CPNE8: variants seen among roughly 807,000 people sequenced by gnomAD.
The protein encoded by CPNE8 is copine 8.
Under a neutral mutation model 81.5 loss-of-function variants are expected in CPNE8, and 45 were observed. The ratio of observed to expected loss-of-function variants is 0.55; its 90% CI spans 0.44 to 0.71. The LOEUF is 0.71. CPNE8 is among the 30% of genes least tolerant of loss of function. CPNE8 has a pLI of 0.00. For missense variants in CPNE8, 594 were observed against 672.1 expected, an observed-to-expected ratio of 0.88 and a Z score of 1.28; for synonymous variants, 252 against 226.3, an observed-to-expected ratio of 1.11 and a Z score of -1.02.
chr12:38,672,508 A>T (rs1034957749), intron 18 of CPNE8, among the ~76,000 whole-genome samples: 17 of 152,106 alleles, frequency 1.1e-4, no homozygotes, highest in Non-Finnish European at 2.4e-4. Flanking sequence ...CCAGTCTCCC[A>T]CCATTACCTC....
chr12:38,834,799 G>A (rs76119967), intron 5 of CPNE8, among the ~76,000 whole-genome samples: 5,846 of 151,694 alleles, frequency 0.039, 306 homozygotes, highest in East Asian at 0.18. Flanking sequence ...GTATGTTTCC[G>A]AACTATTTCA....
intron 1 of CPNE8, among the ~76,000 whole-genome samples, chr12:38,882,691 C>T (rs914658479): frequency 6.6e-6 from 1 of 152,142 alleles, no homozygotes; most frequent in Non-Finnish European, 1.5e-5. Flanking sequence ...GCAAAAAACC[C>T]ATTACCTCCA....
At chr12:38,865,377 G>A (rs1374024754) in intron 3 of CPNE8, among the ~76,000 whole-genome samples, 1 of 152,128 alleles carries the variant, frequency 6.6e-6, no homozygotes, top group Admixed American at 6.5e-5. Context: ...CTGGGAACAA[G>A]CCAAAAATCT....
At chr12:38,666,854 A>T (rs529308918) in intron 19 of CPNE8, among the ~76,000 whole-genome samples, 5 of 152,176 alleles carry the variant, frequency 3.3e-5, no homozygotes, top group Non-Finnish European at 7.3e-5. Flanking sequence ...GTGACTGTGG[A>T]CAAGAGGAAT....
chr12:38,703,998 G>A, intron 13 of CPNE8, among the ~76,000 whole-genome samples: 1 of 152,050 alleles, frequency 6.6e-6, no homozygotes, highest in East Asian at 1.9e-4. Flanking sequence ...ATTAATGCAG[G>A]GACAGAAAGC....
At chr12:38,678,155 T>A (rs1450696479) in intron 16 of CPNE8, among the ~76,000 whole-genome samples, 4 of 152,016 alleles carry the variant, frequency 2.6e-5, no homozygotes, top group African/African-American at 9.7e-5. Context: ...TTATGAAAAT[T>A]TCACCTCAAT....
At chr12:38,757,921 G>A (rs1364753401) in intron 10 of CPNE8, among the ~76,000 whole-genome samples, 1 of 151,816 alleles carries the variant, frequency 6.6e-6, no homozygotes, top group African/African-American at 2.4e-5. Context: ...TGAACATGCT[G>A]TTAATGATGG....
At chr12:38,688,874 T>C (rs1296778839) in intron 15 of CPNE8, among the ~76,000 whole-genome samples, 2 of 152,074 alleles carry the variant, frequency 1.3e-5, no homozygotes, top group Admixed American at 1.3e-4. Context: ...GCTCAGGTGA[T>C]GGGTGCATCA....
intron 17 of CPNE8, among the ~76,000 whole-genome samples, chr12:38,676,712 G>A (rs1411472001): frequency 1.3e-5 from 2 of 152,160 alleles, no homozygotes; most frequent in African/African-American, 4.8e-5. Context: ...TAGTAAGAAT[G>A]TGAGATTGAT....
rs79284833 is a variant in CPNE8, at chr12:38,816,940, G to T, written c.407+12439C>A. ...CTTACTGGCATTTGTTCTCAGGGCA[G>T]CCTGATGCACTGAGTCTACCTGGAC... On this transcript the variant is annotated intron_variant, in intron 6 of 19. Transcript: ENST00000331366. 4.9e-4 allele frequency among the ~76,000 whole-genome samples: 75 copies of T among 152,290 alleles called. 1 individual carries two copies. In the East Asian group the frequency reaches 0.013, roughly 27 times the overall value.
At chr12:38,805,433 T>A (rs1247774790) in intron 6 of CPNE8, among the ~76,000 whole-genome samples, 1 of 71,270 alleles carries the variant, frequency 1.4e-5, no homozygotes, top group Non-Finnish European at 2.9e-5. Context: ...ACACCGCATA[T>A]TCTCACTCAT....
At chr12:38,898,383 T>C (rs941494031) in intron 1 of CPNE8, among the ~76,000 whole-genome samples, 2 of 152,048 alleles carry the variant, frequency 1.3e-5, no homozygotes, top group Non-Finnish European at 2.9e-5. Flanking sequence ...CCAGGACAAA[T>C]TTTACTGAAA....
At chr12:38,710,926 T>C (rs1280560602) in intron 13 of CPNE8, among the ~76,000 whole-genome samples, 3 of 152,208 alleles carry the variant, frequency 2.0e-5, no homozygotes, top group African/African-American at 7.2e-5. Flanking sequence ...GCTAAGCTAC[T>C]GTTTTTTTGT....
chr12:38,799,414 A>T (rs1942596464), intron 6 of CPNE8, among the ~76,000 whole-genome samples: 1 of 152,174 alleles, frequency 6.6e-6, no homozygotes, highest in Admixed American at 6.5e-5. Context: ...GCTCAACTAC[A>T]TGGAAACTGA....
intron 6 of CPNE8, among the ~76,000 whole-genome samples, chr12:38,820,883 C>T (rs1253187902): frequency 6.6e-6 from 1 of 152,158 alleles, no homozygotes; most frequent in Non-Finnish European, 1.5e-5. Context: ...ATACATCCTC[C>T]TTACATCCAC....
intron 16 of CPNE8, among the ~76,000 whole-genome samples, chr12:38,681,629 T>A (rs148189014): frequency 0.013 from 1,961 of 152,268 alleles, 27 homozygotes; most frequent in South Asian, 0.041. Context: ...ATCCAATTAG[T>A]TGAAGGCTTT....
chr12:38,798,138 C>A (rs1464471445), intron 6 of CPNE8, among the ~76,000 whole-genome samples: 1 of 152,082 alleles, frequency 6.6e-6, no homozygotes, highest in Admixed American at 6.5e-5. Context: ...AGACATTATC[C>A]AGGAGAACTT....
At chr12:38,770,247 C>T (rs758677785) in intron 7 of CPNE8, among the ~76,000 whole-genome samples, 2 of 152,186 alleles carry the variant, frequency 1.3e-5, no homozygotes, top group South Asian at 4.1e-4. Flanking sequence ...ATTTTCCCAG[C>T]TCAGTTAGTG....
chr12:38,785,941 C>T (rs1245567428), intron 6 of CPNE8, among the ~76,000 whole-genome samples: 2 of 151,532 alleles, frequency 1.3e-5, no homozygotes, highest in Non-Finnish European at 2.9e-5. Context: ...AAGCAAAACA[C>T]TAGATCATAT....
Sources: gnomAD v4.1 joint callset for allele counts (sites outside exome capture counted in the v4.1 genomes callset) on GRCh38, gnomAD v4.1.1 for gene constraint, MANE v1.5 for transcripts, NCBI Gene and HGNC (gene_info 2026-07-23, HGNC 2026-07-21) for gene names.